The following PIGG variants were observed in gnomAD, a reference collection of about 807,000 sequenced individuals.
PIGG encodes GPI ethanolamine phosphate transferase 2, catalytic subunit.
Under a neutral mutation model 83.2 loss-of-function variants are expected in PIGG, and 70 were observed. The ratio of observed to expected loss-of-function variants is 0.84; its 90% CI spans 0.69 to 1.03. The LOEUF is 1.03. PIGG is among the 50% of genes least tolerant of loss of function. The pLI is 0.00. For synonymous variants in PIGG, 532 were observed against 519.5 expected (o/e 1.02, Z -0.33); for missense variants, 1,257 against 1,233.6 (o/e 1.02, Z -0.28).
chr4:510,226 C>T (rs560037606), intron 5 of PIGG, among the ~76,000 whole-genome samples: 98 of 152,310 alleles, frequency 6.4e-4, no homozygotes, highest in African/African-American at 2.1e-3. Flanking sequence ...AGCATTGGTT[C>T]TACTGATTCT....
At chr4:504,029 C>T (rs1393509711) in intron 2 of PIGG, among the ~76,000 whole-genome samples, 2 of 152,108 alleles carry the variant, frequency 1.3e-5, no homozygotes, top group Non-Finnish European at 2.9e-5. Context: ...CAGCATTTAA[C>T]AAATGTGTGT....
At position 523,575 on chromosome 4, in the gene PIGG, C is replaced by A. The variant is rs1406194078; in HGVS notation, c.1731C>A (p.Thr577=). The A allele has an allele frequency of 4.3e-6, 7 of 1,614,018 alleles. No homozygotes were observed. Among genetic ancestry groups the A allele is most frequent in the Non-Finnish European group, 8.5e-7 (1 of 1,179,992 alleles). The part of the protein sequence containing the change: ...ASSFVEEEHQ[T]WYFLVNTLCL... ...GCTTCGTGGAGGAGGAGCACCAGAC[C>A]TGGTACTTCCTTGTGAACACCCTGT... is the stretch of plus-strand genomic sequence containing the variant. The change falls in exon 9 of 13, where the codon ACC becomes ACA. Residue 577 remains threonine, a synonymous_variant. Coordinates refer to ENST00000453061, the MANE Select transcript of PIGG (RefSeq NM_001127178.3).
chr4:508,474 G>C (rs1720675557), intron 4 of PIGG, among the ~76,000 whole-genome samples: 1 of 152,250 alleles, frequency 6.6e-6, no homozygotes, highest in African/African-American at 2.4e-5. Flanking sequence ...CCAGAGTCCT[G>C]TGAAAGATTC....
intron 12 of PIGG, among the ~76,000 whole-genome samples, chr4:534,452 C>T (rs551360815): frequency 3.6e-4 from 55 of 152,316 alleles, no homozygotes; most frequent in African/African-American, 1.3e-3. Flanking sequence ...GGCCGTGGCT[C>T]TTCTGAGTCG....
At position 518,375 on chromosome 4, in the gene PIGG, C is replaced by T. The variant is rs138202746; in HGVS notation, c.1114+2190C>T. ...TTGGGAGGCTGAGGCGGGGGGATCA[C>T]AAGGTCAGGAGATCAAGACCGTCCT... On this transcript the variant is annotated intron_variant, in intron 6 of 12. Transcript: ENST00000453061. Among the ~76,000 whole-genome samples the T allele has an allele frequency of 4.5e-3, 681 of 152,066 alleles. 8 individuals carry two copies. The highest frequency in any genetic ancestry group is 0.016 in the African/African-American group (657 of 41,518).
chr4:520,549 G>A (rs1725499934), intron 6 of PIGG, among the ~76,000 whole-genome samples: 1 of 152,260 alleles, frequency 6.6e-6, no homozygotes, highest in South Asian at 2.1e-4. Context: ...AGGTCGGGAA[G>A]GGCCAGTCTG....
intron 5 of PIGG, among the ~76,000 whole-genome samples, chr4:512,367 C>T (rs142289079): frequency 6.6e-6 from 1 of 151,318 alleles, no homozygotes; most frequent in Non-Finnish European, 1.5e-5. Context: ...TTACAGGCAC[C>T]CACCACCACC....
At chr4:512,228 T>C (rs1722219643) in intron 5 of PIGG, among the ~76,000 whole-genome samples, 1 of 146,984 alleles carries the variant, frequency 6.8e-6, no homozygotes, top group East Asian at 2.0e-4. Context: ...TTTTTTTTTT[T>C]TTTTTTTTTG....
chr4:501,079 C>G (rs1338803973), intron 2 of PIGG: 1 of 455,700 alleles, frequency 2.2e-6, no homozygotes, highest in Non-Finnish European at 4.4e-6. Context: ...ACAATTACCA[C>G]TGTTTCCACC....
intron 4 of PIGG, 135 bp from the exon 5 acceptor site, chr4:508,694 A>C (rs969216794): frequency 1.3e-6 from 1 of 742,224 alleles, no homozygotes. Context: ...ATGAGCTCAT[A>C]GGAAAAAAAA....
intron 11 of PIGG, 91 bp from the exon 12 acceptor site, chr4:533,727 A>C: frequency 8.1e-7 from 1 of 1,237,306 alleles, no homozygotes. Context: ...CTGCCTACAC[A>C]GTTCACGCTA....
chr4:534,013 T>A, intron 12 of PIGG, 32 bp downstream of exon 12: 1 of 1,604,466 alleles, frequency 6.2e-7, no homozygotes, highest in Non-Finnish European at 8.5e-7. Flanking sequence ...AGCACAGTTC[T>A]GGGGGCCGGC....
intron 12 of PIGG, 143 bp from the exon 13 acceptor site, chr4:539,010 T>C: frequency 6.4e-6 from 4 of 623,544 alleles, no homozygotes; most frequent in African/African-American, 1.8e-5. Context: ...CCATAGTGAC[T>C]GGATGTGTGT....
In PIGG at chr4:505,927, G is replaced by A; in HGVS notation, c.570G>A (p.Glu190=). The A allele has an allele frequency of 6.2e-7, 1 of 1,603,604 alleles. No homozygotes were observed. Among genetic ancestry groups the A allele is most frequent in the Non-Finnish European group, 8.5e-7 (1 of 1,171,908 alleles). Residue 190 remains glutamate, a splice_region_variant and synonymous_variant, in exon 3 of 13, where the codon GAG becomes GAA. Coordinates refer to ENST00000453061, the MANE Select transcript of PIGG (RefSeq NM_001127178.3). ...TTSFFVSDYT[E]VDNNVTRHLD... is the part of the protein sequence containing the mutation. ...CATTTTTCGTGTCAGATTACACAGA[G>A]GTCAGTTTTTAAAATAAGAAAATAT...
chr4:499,981 A>T, intron 1 of PIGG: 1 of 232,912 alleles, frequency 4.3e-6, no homozygotes. Context: ...AGCCATATAC[A>T]GCAAGTAAAG....
At position 513,551 on chromosome 4, in the gene PIGG, G is replaced by A. The variant is rs374341514; in HGVS notation, c.902-2422G>A. 1.4e-4 allele frequency among the ~76,000 whole-genome samples: 21 copies of A among 152,120 alleles called. 1 individual carries two copies. The East Asian group carries it at 1.9e-3, about 14-fold the overall frequency. ...GGCAGAGCAGGTCTGTTTTATTTTC[G>A]GCCTCTTGCTACTAGAATGTTTGAC... On this transcript the variant is annotated intron_variant, in intron 5 of 12. Transcript: ENST00000453061.
chr4:511,919 G>A (rs566413199), intron 5 of PIGG, among the ~76,000 whole-genome samples: 2 of 152,266 alleles, frequency 1.3e-5, no homozygotes, highest in African/African-American at 4.8e-5. Flanking sequence ...CTGTCTCACC[G>A]CCTTCTGGCC....
intron 5 of PIGG, among the ~76,000 whole-genome samples, chr4:509,550 G>A (rs1172659938): frequency 3.9e-5 from 6 of 152,202 alleles, no homozygotes; most frequent in African/African-American, 1.2e-4. Context: ...TGCCACACTC[G>A]CTGCCTCACT....
intron 4 of PIGG, among the ~76,000 whole-genome samples, chr4:507,895 CCACTCTGTTCTGTGT>C (rs1312971257): frequency 1.1e-4 from 16 of 151,768 alleles, no homozygotes; most frequent in Admixed American, 4.7e-4. Context: ...CTGTTCTGTG[CCACTCTGTTCTGTGT>C]CACTTTCTGT....
Sources: allele counts gnomAD v4.1 joint callset (sites outside exome capture counted in the v4.1 genomes callset), GRCh38; gene constraint gnomAD v4.1.1; transcripts MANE v1.5; gene names NCBI Gene and HGNC (gene_info 2026-07-23, HGNC 2026-07-21).